HYDIN: variants seen among roughly 807,000 people sequenced by gnomAD.
The protein encoded by HYDIN is axonemal central pair apparatus protein HYDIN.
A neutral mutation model predicts 403.9 loss-of-function variants in HYDIN; 132 were observed. The observed-to-expected ratio is 0.33, with a 90% CI of 0.28 to 0.38. The LOEUF is 0.38. Among genes scored for constraint, HYDIN ranks in the 10% least tolerant of loss-of-function variants. HYDIN has a pLI of 1.00. For synonymous variants in HYDIN, 1,202 were observed against 1,891.7 expected (o/e 0.64, Z 9.46); for missense variants, 2,827 against 5,009.5 (o/e 0.56, Z 13.15).
intron 6 of HYDIN, among the ~76,000 whole-genome samples, chr16:71,154,961 G>A (rs1209656535): frequency 1.4e-5 from 2 of 146,908 alleles, no homozygotes; most frequent in Non-Finnish European, 3.0e-5. Flanking sequence ...TGGCACAAAG[G>A]AAATGCTATA....
Position 71,096,285 on chromosome 16 carries a change from ATATT to A in HYDIN, c.1328-2354_1328-2351del, listed in dbSNP as rs1341739214. ...TGATAGATTTAATTTTTATGCACAC[ATATT>A]TATTTATTTTTGTCTTTAGCTTTCA... On this transcript the variant is annotated intron_variant, in intron 10 of 85. Coordinates refer to ENST00000393567, the MANE Select transcript of HYDIN (RefSeq NM_001270974.2). Among the ~76,000 whole-genome samples the A allele has an allele frequency of 3.3e-5, 5 of 151,624 alleles. No individual in the cohort carries two copies. In the East Asian group the frequency reaches 7.8e-4, roughly 24 times the overall value.
chr16:71,025,907 C>T (rs2080675607), intron 20 of HYDIN, among the ~76,000 whole-genome samples: 1 of 151,794 alleles, frequency 6.6e-6, no homozygotes, highest in Non-Finnish European at 1.5e-5. Flanking sequence ...TCTTTTTCTT[C>T]CTTTTTTTTT....
intron 3 of HYDIN, among the ~76,000 whole-genome samples, chr16:71,180,305 A>G (rs1291988608): frequency 3.3e-5 from 5 of 152,208 alleles, no homozygotes; most frequent in African/African-American, 1.2e-4. Context: ...AAATGTATCA[A>G]AACTGGCACA....
chr16:70,942,021 T>C (rs1019222499), intron 42 of HYDIN, among the ~76,000 whole-genome samples: 16 of 144,030 alleles, frequency 1.1e-4, no homozygotes, highest in Non-Finnish European at 1.8e-4. Context: ...CTTTTTTTTT[T>C]TTTTTTTTTT....
At chr16:70,864,453 A>AACCTTGG (rs2039621250) in intron 67 of HYDIN, among the ~76,000 whole-genome samples, 1 of 116,070 alleles carries the variant, frequency 8.6e-6, no homozygotes, top group East Asian at 2.3e-4. Context: ...AGAAAGATGA[A>AACCTTGG]ACCTTGGTAC....
chr16:71,110,608 T>C (rs1286913107), intron 10 of HYDIN, among the ~76,000 whole-genome samples: 1 of 150,688 alleles, frequency 6.6e-6, no homozygotes, highest in Non-Finnish European at 1.5e-5. Context: ...GAAACAACTA[T>C]CATAAAAGTC....
At chr16:70,875,356 A>C (rs915584281) in intron 62 of HYDIN, among the ~76,000 whole-genome samples, 3 of 152,138 alleles carry the variant, frequency 2.0e-5, no homozygotes, top group African/African-American at 7.2e-5. Flanking sequence ...TAGTTGCCTG[A>C]TAGTGTCATG....
chr16:71,185,478 T>C (rs1316106835), intron 2 of HYDIN, among the ~76,000 whole-genome samples: 1 of 152,152 alleles, frequency 6.6e-6, no homozygotes, highest in Non-Finnish European at 1.5e-5. Context: ...CTTATAAAAT[T>C]GCAAAGATCT....
At chr16:71,049,112 G>A (rs1447107295) in intron 18 of HYDIN, among the ~76,000 whole-genome samples, 7 of 152,270 alleles carry the variant, frequency 4.6e-5, no homozygotes, top group Non-Finnish European at 1.0e-4. Context: ...TGGGCCACAA[G>A]TAGAACAGAA....
At chr16:70,949,434 T>C (rs1232318256) in intron 41 of HYDIN, among the ~76,000 whole-genome samples, 1 of 151,880 alleles carries the variant, frequency 6.6e-6, no homozygotes, top group Non-Finnish European at 1.5e-5. Flanking sequence ...ATTGTGCACA[T>C]GTACCCTAAA....
At chr16:70,916,178 C>T (rs1331642241) in intron 47 of HYDIN, among the ~76,000 whole-genome samples, 1 of 152,022 alleles carries the variant, frequency 6.6e-6, no homozygotes, top group East Asian at 1.9e-4. Flanking sequence ...TCGTCCAGTT[C>T]AAATTGTTAC....
At position 71,230,598 on chromosome 16, in the gene HYDIN, C is replaced by T. The variant is rs2041238599; in HGVS notation, c.-60G>A. On this transcript the variant is annotated 5_prime_UTR_variant, in exon 1 of 86. An upstream start codon of the reference 5' UTR is lost. Transcript: ENST00000393567. ...CCGGGTCCCACGTTTATTCTACCTC[C>T]ATTCCCCGCCAAGACCCCGCGTCCA... 1 of 1,535,922 alleles carries T rather than the reference C, an allele frequency of 6.5e-7. No homozygotes were observed. Among genetic ancestry groups the T allele is most frequent in the Non-Finnish European group, 8.7e-7 (1 of 1,146,864 alleles).
Position 70,955,507 on chromosome 16 carries a change from C to T in HYDIN, c.6184G>A (p.Ala2062Thr), listed in dbSNP as rs771325517. 2.9e-5 allele frequency: 45 copies of T among 1,572,862 alleles called. No individual in the cohort carries two copies. The highest frequency in any genetic ancestry group is 1.6e-4 in the African/African-American group (12 of 73,376). ...ATGGAGTCGATGCTCAGGCAGGCTG[C>T]GTTGTAGTACTTGGCCACGCTAACG... Reference protein sequence around the residue: ...NAVSVAKYYNAACLSIDSIVL... With the variant: ...NAVSVAKYYNTACLSIDSIVL... Residue 2062 changes from alanine to threonine, a missense_variant, in exon 40 of 86, where the codon GCA (alanine) becomes ACA (threonine). By Grantham distance (58) the Ala-to-Thr change is moderately conservative. Coordinates refer to ENST00000393567, the MANE Select transcript of HYDIN (RefSeq NM_001270974.2).
chr16:71,030,813 C>A (rs1462926993), intron 19 of HYDIN, among the ~76,000 whole-genome samples: 1 of 152,040 alleles, frequency 6.6e-6, no homozygotes, highest in Non-Finnish European at 1.5e-5. Flanking sequence ...AATATTTAGA[C>A]CCTCTAGCTT....
chr16:71,004,687 G>T (rs1021824209), intron 23 of HYDIN, among the ~76,000 whole-genome samples: 1 of 152,148 alleles, frequency 6.6e-6, no homozygotes, highest in Non-Finnish European at 1.5e-5. Context: ...AAATCTTTAT[G>T]TCTGTGACCT....
rs576609215 is a variant in HYDIN, at chr16:71,021,511, G to A, written c.3187-1194C>T. 2.9e-3 allele frequency among the ~76,000 whole-genome samples: 447 copies of A among 152,182 alleles called. 3 individuals are homozygous for A. The highest frequency in any genetic ancestry group is 0.01 in the African/African-American group (423 of 41,520). Reference sequence around the variant, plus strand: ...ATTACAGGTGTGAGCCACCGCACCCGGCCCAGATTTAATTTTTCAACTAGA... The same window carrying A: ...ATTACAGGTGTGAGCCACCGCACCCAGCCCAGATTTAATTTTTCAACTAGA... On this transcript the variant is annotated intron_variant, in intron 21 of 85. Coordinates refer to ENST00000393567, the MANE Select transcript of HYDIN (RefSeq NM_001270974.2).
At chr16:71,180,009 A>C (rs934954562) in intron 3 of HYDIN, among the ~76,000 whole-genome samples, 2 of 152,206 alleles carry the variant, frequency 1.3e-5, no homozygotes, top group African/African-American at 4.8e-5. Flanking sequence ...CCAAATAAAG[A>C]AAAAAATTGA....
At position 70,938,701 on chromosome 16, in the gene HYDIN, T is replaced by A. The variant is rs1009425972; in HGVS notation, c.6908A>T (p.Asp2303Val). ...EKEKERLQNM[D>V]EEEYDALTEE... ...AGTCAGGGCATCATATTCTTCCTCA[T>A]CCATGTTTTGGAGACGCTCCTTCTC... The change falls in exon 44 of 86, where the codon GAT becomes GTT. Residue 2303 changes from aspartate to valine, a missense_variant. Physicochemically the swap from Asp to Val is radical, Grantham distance 152. Coordinates refer to ENST00000393567, the MANE Select transcript of HYDIN (RefSeq NM_001270974.2). 1.2e-6 allele frequency: 2 copies of A among 1,614,002 alleles called. No individual in the cohort carries two copies. The highest frequency in any genetic ancestry group is 1.1e-5 in the South Asian group (1 of 91,090).
intron 1 of HYDIN, among the ~76,000 whole-genome samples, chr16:71,197,355 G>T (rs1026293169): frequency 6.6e-6 from 1 of 152,254 alleles, no homozygotes; most frequent in Non-Finnish European, 1.5e-5. Flanking sequence ...CTAGCATATG[G>T]TAATAAGCAC....
Sources: gnomAD v4.1 joint callset for allele counts (sites outside exome capture counted in the v4.1 genomes callset) on GRCh38, gnomAD v4.1.1 for gene constraint, MANE v1.5 for transcripts, NCBI Gene and HGNC (gene_info 2026-07-23, HGNC 2026-07-21) for gene names.